CFAP70: variants seen among roughly 807,000 people sequenced by gnomAD.
CFAP70 encodes cilia and flagella associated protein 70, also known as cilia- and flagella-associated protein 70.
In CFAP70, 81 loss-of-function variants were observed where a neutral mutation model predicts 137.6. That is an observed-to-expected ratio of 0.59 (90% CI 0.49 to 0.71). The LOEUF is 0.71. Among genes scored for constraint, CFAP70 ranks in the 30% least tolerant of loss-of-function variants. The pLI, the probability that CFAP70 is intolerant of heterozygous loss-of-function variation, is 0.00. For missense variants in CFAP70, 976 were observed against 1,226.7 expected (o/e 0.80, Z 3.05); for synonymous variants, 382 against 423.6 (o/e 0.90, Z 1.20).
rs2050786596 is a variant in CFAP70, at chr10:73,320,813, CACA to C, written c.912+2147_912+2149del. Among the ~76,000 whole-genome samples the C allele has an allele frequency of 4.6e-5, 7 of 152,014 alleles. No homozygotes were observed. The South Asian group carries it at 1.5e-3, about 32-fold the overall frequency. On this transcript the variant is annotated intron_variant, in intron 9 of 26. Transcript: ENST00000310715. Reference sequence around the variant, plus strand: ...CTCCTGATAGCTGGAACTACAGGCACACAACATCACGCCCAGCAAATTTTTGTA... The same window carrying C: ...CTCCTGATAGCTGGAACTACAGGCACACATCACGCCCAGCAAATTTTTGTA...
intron 17 of CFAP70, 37 bp downstream of exon 18, chr10:73,291,844 C>G (rs754092446): frequency 1.2e-6 from 2 of 1,613,748 alleles, no homozygotes; most frequent in East Asian, 4.5e-5. Flanking sequence ...CTTATCTGTT[C>G]CTTCCCACTG....
At chr10:73,277,946 G>A (rs1257648294) in intron 20 of CFAP70, among the ~76,000 whole-genome samples, 1 of 152,186 alleles carries the variant, frequency 6.6e-6, no homozygotes, top group Non-Finnish European at 1.5e-5. Flanking sequence ...ACAGTTTGTA[G>A]ATGTTTTTTA....
chr10:73,328,002 T>C (rs938383130), intron 8 of CFAP70, among the ~76,000 whole-genome samples: 1 of 152,180 alleles, frequency 6.6e-6, no homozygotes, highest in African/African-American at 2.4e-5. Context: ...AAAGTTGTTA[T>C]GGAACCAAAA....
intron 3 of CFAP70, among the ~76,000 whole-genome samples, chr10:73,349,785 T>C (rs1328331179): frequency 6.6e-6 from 1 of 152,200 alleles, no homozygotes; most frequent in Non-Finnish European, 1.5e-5. Context: ...AATTTAACAA[T>C]TTTTTTGCTT....
chr10:73,354,703 G>A, intron 2 of CFAP70, 31 bp downstream of exon 2: 1 of 1,603,024 alleles, frequency 6.2e-7, no homozygotes, highest in Non-Finnish European at 8.5e-7. Flanking sequence ...CCAAACTAAG[G>A]ATTTTTGTAA....
intron 14 of CFAP70, 138 bp from the exon 16 acceptor site, chr10:73,297,311 C>T: frequency 1.3e-6 from 1 of 777,640 alleles, no homozygotes; most frequent in South Asian, 2.4e-5. Flanking sequence ...GGGTGGTAGA[C>T]TATCAGCTCT....
At chr10:73,264,507 T>C (rs2045572898) in intron 25 of CFAP70, among the ~76,000 whole-genome samples, 1 of 152,250 alleles carries the variant, frequency 6.6e-6, no homozygotes, top group Non-Finnish European at 1.5e-5. Flanking sequence ...ATCCTTCTTG[T>C]TTCCACATTT....
intron 24 of CFAP70, 63 bp downstream of exon 25, chr10:73,272,865 G>A (rs955880009): frequency 7.1e-7 from 1 of 1,404,560 alleles, no homozygotes. Context: ...AGGATGCTTG[G>A]AAGGCCAAGG....
In CFAP70 at chr10:73,309,658, A is replaced by ATTTTTTTTTTTTT. The variant is rs60294953; in HGVS notation, c.1256+487_1256+499dup. Among the ~76,000 whole-genome samples the ATTTTTTTTTTTTT allele has an allele frequency of 5.4e-4, 74 of 136,438 alleles. 3 individuals are homozygous for ATTTTTTTTTTTTT. Among genetic ancestry groups the ATTTTTTTTTTTTT allele is most frequent in the East Asian group, 1.4e-3 (6 of 4,334 alleles). 89.5% of individuals were successfully genotyped at this position (136,438 alleles called of 152,430 possible). ...TCTTGTTCATCCGTATTTCCTAAGA[A>ATTTTTTTTTTTTT]TTTTTTTTTTTTTTTAGAGATAGAG... is the stretch of plus-strand genomic sequence containing the variant. On this transcript the variant is annotated intron_variant, in intron 12 of 26. Coordinates refer to ENST00000310715, the Ensembl canonical transcript of CFAP70.
Position 73,335,533 on chromosome 10 carries a change from T to A in CFAP70, c.583-9A>T. 1.3e-6 allele frequency: 2 copies of A among 1,598,564 alleles called. No individual in the cohort carries two copies. Among genetic ancestry groups the A allele is most frequent in the Non-Finnish European group, 1.7e-6 (2 of 1,167,546 alleles). ...TTCCTAAATTCGCTGTCCTGTAAAA[T>A]ATAAATACTTCTGTTCTCGGTATGT... On this transcript the variant is annotated splice_polypyrimidine_tract_variant and intron_variant, in intron 6 of 26. Transcript: ENST00000310715.
intron 26 of CFAP70, 164 bp from the exon 28 acceptor site, chr10:73,254,219 C>T (rs2044241944): frequency 2.3e-6 from 1 of 442,084 alleles, no homozygotes; most frequent in Non-Finnish European, 4.0e-6. Flanking sequence ...AGTAGAAGAC[C>T]TTAGAACCTT....
At chr10:73,348,115 G>A (rs751160141) in intron 4 of CFAP70, 41 bp downstream of exon 5, 1 of 1,567,936 alleles carries the variant, frequency 6.4e-7, no homozygotes. Context: ...TTGTTACATT[G>A]AATGGCAGGC....
At chr10:73,255,294 G>T (rs1320612973) in intron 26 of CFAP70, among the ~76,000 whole-genome samples, 1 of 152,132 alleles carries the variant, frequency 6.6e-6, no homozygotes, top group African/African-American at 2.4e-5. Context: ...TACTCAGGAG[G>T]CTGAAGCGGA....
intron 3 of CFAP70, 143 bp downstream of exon 3, chr10:73,353,413 C>G (rs181897802): frequency 2.6e-6 from 2 of 768,700 alleles, no homozygotes; most frequent in African/African-American, 3.5e-5. Flanking sequence ...TCCTGCCTTG[C>G]TTCTGGGAAC....
At chr10:73,288,179 G>A (rs1467967828) in intron 19 of CFAP70, among the ~76,000 whole-genome samples, 1 of 152,092 alleles carries the variant, frequency 6.6e-6, no homozygotes, top group African/African-American at 2.4e-5. Flanking sequence ...TTACAGGTGT[G>A]AGCCACCGTG....
intron 9 of CFAP70, among the ~76,000 whole-genome samples, chr10:73,321,507 T>TG (rs2050848533): frequency 6.6e-6 from 1 of 152,164 alleles, no homozygotes; most frequent in African/African-American, 2.4e-5. Flanking sequence ...AGTGTACAAC[T>TG]AGATGATGGG....
At position 73,275,325 on chromosome 10, in the gene CFAP70, G is replaced by T; in HGVS notation, c.2673+121C>A. 1 of 1,155,186 alleles carries T rather than the reference G, an allele frequency of 8.7e-7. No homozygotes were observed. The highest frequency in any genetic ancestry group is 1.2e-6 in the Non-Finnish European group (1 of 823,886). The allele number at this position is 1,155,186 out of a possible 1,614,324, so 71.6% of individuals were successfully genotyped here. A position where few individuals can be genotyped will look rare whatever the true frequency, so the allele number is the denominator to read the frequency against. Reference sequence around the variant, plus strand: ...AGCAAATGGAAGGGTATAGAGAGATGAGTTTACTGACAGCTGATGACCACC... The same window carrying T: ...AGCAAATGGAAGGGTATAGAGAGATTAGTTTACTGACAGCTGATGACCACC... On this transcript the variant is annotated intron_variant, in intron 22 of 26. Coordinates refer to ENST00000310715, the Ensembl canonical transcript of CFAP70. This position sits in a 1 kb window ranked among gnomAD's most constrained non-coding sequence, Gnocchi z 4.0.
rs1291741939 is a variant in CFAP70 at position 73,275,886 on chromosome 10, G to C, written c.2521-288C>G. The C allele has an allele frequency of 4.8e-6, 1 of 210,112 alleles. No homozygotes were observed. The highest frequency in any genetic ancestry group is 9.4e-6 in the Non-Finnish European group (1 of 106,600). The allele number at this position is 210,112 out of a possible 1,614,324, so 13.0% of individuals were successfully genotyped here. On this transcript the variant is annotated intron_variant, in intron 21 of 26. Transcript: ENST00000310715. The surrounding 1 kb of genome is among the most constrained non-coding windows in gnomAD (Gnocchi z 4.0). ...ATACTAGGTGAGTGTTAGACTGCATGTATTATGCAGCAGACAAAGGCACAT... is the reference window on the plus strand; with the variant it reads ...ATACTAGGTGAGTGTTAGACTGCATCTATTATGCAGCAGACAAAGGCACAT...
chr10:73,261,757 C>T (rs1050635497), intron 25 of CFAP70, among the ~76,000 whole-genome samples: 6 of 151,830 alleles, frequency 4.0e-5, no homozygotes, highest in South Asian at 2.1e-4. Flanking sequence ...TTTGCCTGCT[C>T]GAGCCTCCCA....
Sources: gnomAD v4.1 joint callset for allele counts (sites outside exome capture counted in the v4.1 genomes callset) on GRCh38, gnomAD v4.1.1 for gene constraint, Gnocchi (gnomAD v3.1) non-coding constraint, MANE v1.5 for transcripts, NCBI Gene and HGNC (gene_info 2026-07-23, HGNC 2026-07-21) for gene names.